The following ZNF804B variants were observed in gnomAD, a reference collection of about 807,000 sequenced individuals.
ZNF804B encodes zinc finger protein 804B.
Under a neutral mutation model 101.4 loss-of-function variants are expected in ZNF804B, and 80 were observed. The ratio of observed to expected loss-of-function variants is 0.79; its 90% CI spans 0.66 to 0.95. The LOEUF is 0.95. Among genes scored for constraint, ZNF804B ranks in the 40% least tolerant of loss-of-function variants. ZNF804B has a pLI of 0.00. For missense variants in ZNF804B, 1,673 were observed against 1,561.9 expected (o/e 1.07, Z -1.20); for synonymous variants, 622 against 558.8 (o/e 1.11, Z -1.59).
chr7:89,132,449 A>G (rs1230039179), intron 1 of ZNF804B, among the ~76,000 whole-genome samples: 1 of 152,038 alleles, frequency 6.6e-6, no homozygotes, highest in Non-Finnish European at 1.5e-5. Flanking sequence ...AGGAAATGAC[A>G]AGGAAACTGG....
At chr7:89,287,813 T>C (rs1790229523) in intron 2 of ZNF804B, among the ~76,000 whole-genome samples, 1 of 151,860 alleles carries the variant, frequency 6.6e-6, no homozygotes, top group Non-Finnish European at 1.5e-5. Context: ...AGAAAAAAAA[T>C]CTTGAAATAA....
intron 1 of ZNF804B, among the ~76,000 whole-genome samples, chr7:88,977,594 C>G (rs1793633755): frequency 6.6e-6 from 1 of 151,472 alleles, no homozygotes; most frequent in Non-Finnish European, 1.5e-5. Context: ...AGTAATGTCT[C>G]TATTTTATCT....
At chr7:88,919,080 A>G (rs897867556) in intron 1 of ZNF804B, among the ~76,000 whole-genome samples, 1 of 152,032 alleles carries the variant, frequency 6.6e-6, no homozygotes, top group African/African-American at 2.4e-5. Flanking sequence ...TTATGTCTGG[A>G]TATGTTACAT....
At chr7:88,943,974 G>T (rs1793091674) in intron 1 of ZNF804B, among the ~76,000 whole-genome samples, 1 of 151,704 alleles carries the variant, frequency 6.6e-6, no homozygotes, top group Admixed American at 6.6e-5. Context: ...GCAATGCGTG[G>T]CTGTATAAAA....
At chr7:89,288,812 A>G (rs35593606) in intron 2 of ZNF804B, among the ~76,000 whole-genome samples, 18,677 of 152,280 alleles carry the variant, frequency 0.12, 1,240 homozygotes, top group Middle Eastern at 0.28. Context: ...AAAAAAGCGA[A>G]GAACATCAGA....
At chr7:89,184,389 T>G (rs1287375195) in intron 1 of ZNF804B, among the ~76,000 whole-genome samples, 1 of 152,166 alleles carries the variant, frequency 6.6e-6, no homozygotes, top group Non-Finnish European at 1.5e-5. Flanking sequence ...AAATGGCATG[T>G]GTAGGATCAC....
intron 1 of ZNF804B, among the ~76,000 whole-genome samples, chr7:89,041,022 A>T (rs1166537867): frequency 6.6e-6 from 1 of 152,122 alleles, no homozygotes; most frequent in Admixed American, 6.5e-5. Flanking sequence ...CTGTGGGGCC[A>T]GTCTTGTGAA....
chr7:88,988,080 C>T (rs1441174700), intron 1 of ZNF804B, among the ~76,000 whole-genome samples: 2 of 151,770 alleles, frequency 1.3e-5, no homozygotes, highest in African/African-American at 4.8e-5. Flanking sequence ...CGATATTTGT[C>T]CTTGTATGCC....
At chr7:89,008,224 A>C (rs1310691784) in intron 1 of ZNF804B, among the ~76,000 whole-genome samples, 3 of 152,174 alleles carry the variant, frequency 2.0e-5, no homozygotes, top group African/African-American at 7.2e-5. Context: ...GCATCAGACA[A>C]CCAGTCTCTA....
chr7:88,799,806 A>C (rs2115707227), intron 1 of ZNF804B, among the ~76,000 whole-genome samples: 1 of 152,198 alleles, frequency 6.6e-6, no homozygotes, highest in South Asian at 2.1e-4. Context: ...ATATCATGCA[A>C]ATGATGTTTA....
intron 2 of ZNF804B, among the ~76,000 whole-genome samples, chr7:89,243,218 A>G (rs1789395503): frequency 6.6e-6 from 1 of 151,854 alleles, no homozygotes; most frequent in African/African-American, 2.4e-5. Flanking sequence ...TAAATATGTA[A>G]CTAAAACATA....
chr7:88,996,192 A>C (rs1254204194), intron 1 of ZNF804B, among the ~76,000 whole-genome samples: 1 of 152,080 alleles, frequency 6.6e-6, no homozygotes. Context: ...ATAGGAGATA[A>C]AGGAAAATTT....
chr7:88,824,262 C>T (rs142053155), intron 1 of ZNF804B, among the ~76,000 whole-genome samples: 34 of 152,158 alleles, frequency 2.2e-4, no homozygotes, highest in African/African-American at 7.5e-4. Flanking sequence ...TGGAAGGGAC[C>T]CAGAGGGAAG....
Position 88,945,749 on chromosome 7 carries a change from G to A in ZNF804B, c.108+185665G>A, listed in dbSNP as rs189686243. Among the ~76,000 whole-genome samples the A allele has an allele frequency of 3.8e-3, 572 of 151,916 alleles. 4 individuals are homozygous for A. The highest frequency in any genetic ancestry group is 0.013 in the African/African-American group (543 of 41,486). On this transcript the variant is annotated intron_variant, in intron 1 of 3. Coordinates refer to ENST00000333190, the MANE Select transcript of ZNF804B (RefSeq NM_181646.5). ...ATGGAATATTTTTCCATTTGTTTGT[G>A]TCCTCTCATTTCCTTGAGCAGTGGT...
chr7:88,986,302 G>T (rs1364714909), intron 1 of ZNF804B, among the ~76,000 whole-genome samples: 1 of 151,934 alleles, frequency 6.6e-6, no homozygotes, highest in Non-Finnish European at 1.5e-5. Flanking sequence ...CTGATGATTT[G>T]TTACTTTTAA....
At chr7:89,091,805 G>A (rs1789892101) in intron 1 of ZNF804B, among the ~76,000 whole-genome samples, 1 of 152,114 alleles carries the variant, frequency 6.6e-6, no homozygotes, top group Non-Finnish European at 1.5e-5. Flanking sequence ...GATACTATGA[G>A]TTTCAGAGGT....
intron 2 of ZNF804B, among the ~76,000 whole-genome samples, chr7:89,232,626 T>C (rs1205001102): frequency 2.6e-5 from 4 of 152,182 alleles, no homozygotes; most frequent in Non-Finnish European, 4.4e-5. Context: ...GTGTAGGTAT[T>C]GTCCAGTTCA....
intron 1 of ZNF804B, among the ~76,000 whole-genome samples, chr7:88,945,228 C>T (rs113791187): frequency 1.3e-5 from 2 of 151,848 alleles, no homozygotes; most frequent in African/African-American, 2.4e-5. Context: ...TTAGGTATTA[C>T]GTTTAAGTCT....
At chr7:88,848,288 G>A (rs562572087) in intron 1 of ZNF804B, among the ~76,000 whole-genome samples, 1 of 152,174 alleles carries the variant, frequency 6.6e-6, no homozygotes, top group Admixed American at 6.5e-5. Context: ...CAGGCAGAGT[G>A]TCCACATTAT....
Sources: allele counts gnomAD v4.1 joint callset (sites outside exome capture counted in the v4.1 genomes callset), GRCh38; gene constraint gnomAD v4.1.1; transcripts MANE v1.5; gene names NCBI Gene and HGNC (gene_info 2026-07-23, HGNC 2026-07-21).